Variants in ANKRD29 observed in about 807,000 individuals in gnomAD.
The protein encoded by ANKRD29 is ankyrin repeat domain 29.
ANKRD29 carries 32 observed loss-of-function variants against 38.0 expected under a neutral mutation model. The ratio of observed to expected loss-of-function variants is 0.84; its 90% CI spans 0.64 to 1.13. The LOEUF is 1.13. Ranked by LOEUF, ANKRD29 falls within the 50% of genes most tolerant of loss-of-function variation. The probability of loss-of-function intolerance (pLI) is 0.00; values close to 1 mark genes in which losing one functional copy is unlikely to be tolerated. For synonymous variants in ANKRD29, 135 were observed against 152.4 expected, an observed-to-expected ratio of 0.89 and a Z score of 0.84; for missense variants, 357 against 377.9, an observed-to-expected ratio of 0.94 and a Z score of 0.46.
chr18:23,638,140 G>T (rs948972306), intron 4 of ANKRD29, among the ~76,000 whole-genome samples: 3 of 151,810 alleles, frequency 2.0e-5, no homozygotes, highest in Non-Finnish European at 4.4e-5. Context: ...TGGGATTACA[G>T]GCATGTGCCA....
Position 23,629,827 on chromosome 18 carries a change from G to A in ANKRD29, c.528+26C>T, listed in dbSNP as rs370361972. On this transcript the variant is annotated intron_variant, in intron 6 of 9. Transcript: ENST00000592179. ...TCCCTGCCCCATGCGCCATGTGCTCGGGCAAATGTCAACAGTGGACATTAC... is the reference window on the plus strand; with the variant it reads ...TCCCTGCCCCATGCGCCATGTGCTCAGGCAAATGTCAACAGTGGACATTAC... 6.9e-6 allele frequency: 11 copies of A among 1,603,926 alleles called. 1 individual carries two copies. Among genetic ancestry groups the A allele is most frequent in the Middle Eastern group, 3.4e-4 (2 of 5,876 alleles).
intron 4 of ANKRD29, among the ~76,000 whole-genome samples, chr18:23,636,549 A>C (rs2060005184): frequency 6.7e-6 from 1 of 149,112 alleles, no homozygotes; most frequent in Non-Finnish European, 1.5e-5. Context: ...TACAGGTGTG[A>C]GCCATCCCAC....
At chr18:23,619,267 C>A (rs897528657) in intron 7 of ANKRD29, 9 of 447,784 alleles carry the variant, frequency 2.0e-5, no homozygotes, top group South Asian at 1.1e-4. Context: ...GGCGGGAGGC[C>A]CCCAGGACAG....
At chr18:23,634,440 C>G (rs950957672) in intron 4 of ANKRD29, among the ~76,000 whole-genome samples, 1 of 151,890 alleles carries the variant, frequency 6.6e-6, no homozygotes, top group Non-Finnish European at 1.5e-5. Context: ...CAGGCGTGCA[C>G]CACCATGCCC....
At chr18:23,633,674 G>A (rs545885564) in intron 5 of ANKRD29, among the ~76,000 whole-genome samples, 78 of 152,140 alleles carry the variant, frequency 5.1e-4, no homozygotes, top group African/African-American at 1.8e-3. Flanking sequence ...GGGTTCAAGC[G>A]ATTCTCCTGC....
intron 5 of ANKRD29, among the ~76,000 whole-genome samples, chr18:23,631,681 C>T (rs1176221054): frequency 6.6e-6 from 1 of 152,184 alleles, no homozygotes; most frequent in African/African-American, 2.4e-5. Context: ...ACCAACAACA[C>T]CTATAAACAC....
chr18:23,651,093 A>G (rs970651465), intron 1 of ANKRD29, among the ~76,000 whole-genome samples: 2 of 152,240 alleles, frequency 1.3e-5, no homozygotes, highest in Admixed American at 6.5e-5. Context: ...ATGAAAGGAC[A>G]GTGGCAGCAG....
chr18:23,641,285 C>T (rs1305424171), intron 3 of ANKRD29, among the ~76,000 whole-genome samples: 1 of 152,204 alleles, frequency 6.6e-6, no homozygotes, highest in Non-Finnish European at 1.5e-5. Context: ...TGCCCAGCTG[C>T]AGCTCCGGTT....
At chr18:23,612,931 T>A (rs771855709) in intron 8 of ANKRD29, among the ~76,000 whole-genome samples, 2 of 152,226 alleles carry the variant, frequency 1.3e-5, no homozygotes, top group Non-Finnish European at 2.9e-5. Context: ...AGGGTACATA[T>A]GTCCATAAAT....
chr18:23,625,991 C>A (rs2059857305), intron 6 of ANKRD29, among the ~76,000 whole-genome samples: 1 of 152,184 alleles, frequency 6.6e-6, no homozygotes, highest in Non-Finnish European at 1.5e-5. Context: ...GATCTTCTGG[C>A]AGTCGATACA....
At chr18:23,629,706 A>G (rs1459924671) in intron 6 of ANKRD29, 147 bp downstream of exon 6, 16 of 663,254 alleles carry the variant, frequency 2.4e-5, no homozygotes, top group Non-Finnish European at 3.9e-5. Flanking sequence ...TACCCTAATC[A>G]AAGATTAACT....
At chr18:23,625,065 G>T (rs1216395199) in intron 6 of ANKRD29, among the ~76,000 whole-genome samples, 2 of 152,196 alleles carry the variant, frequency 1.3e-5, no homozygotes, top group African/African-American at 2.4e-5. Context: ...CTACCTACAG[G>T]GTTAGGCCAG....
intron 9 of ANKRD29, among the ~76,000 whole-genome samples, chr18:23,603,487 G>C (rs2059538483): frequency 6.6e-6 from 1 of 152,220 alleles, no homozygotes; most frequent in Non-Finnish European, 1.5e-5. Context: ...ACAAAAATTA[G>C]CTGGGCGTGG....
At chr18:23,612,234 A>G (rs1327668366) in intron 8 of ANKRD29, 44 bp from the exon 9 acceptor site, 1 of 1,548,446 alleles carries the variant, frequency 6.5e-7, no homozygotes. Context: ...GCTCACAGCC[A>G]TTGGCATTCA....
intron 9 of ANKRD29, among the ~76,000 whole-genome samples, chr18:23,611,203 CA>C (rs1282564206): frequency 6.6e-6 from 1 of 152,104 alleles, no homozygotes. Context: ...CTCCTGTTAA[CA>C]ATACAAAAGC....
At chr18:23,658,975 A>G (rs2060320066) in intron 1 of ANKRD29, among the ~76,000 whole-genome samples, 1 of 152,050 alleles carries the variant, frequency 6.6e-6, no homozygotes, top group Admixed American at 6.6e-5. Flanking sequence ...TTTATAATAT[A>G]AAACACTTTT....
chr18:23,629,891 G>A lies in ANKRD29; in HGVS notation c.490C>T (p.Leu164=). 17 of 1,614,178 alleles carry A rather than the reference G, an allele frequency of 1.1e-5. No individual in the cohort carries two copies. Among genetic ancestry groups the A allele is most frequent in the Non-Finnish European group, 1.4e-5 (17 of 1,180,036 alleles). ...TTGACTTTTGCTCCTGAAGCCAGCA[G>A]TAATCGAATAACATCCAAGTAACCA... ...QGGYLDVIRL[L]LASGAKVNQP... is the part of the protein sequence containing the mutation. Residue 164 remains leucine (L), a synonymous_variant, in exon 6 of 10, where the codon CTG becomes TTG. Transcript: ENST00000592179.
At chr18:23,645,432 G>C (rs1393525218) in intron 3 of ANKRD29, among the ~76,000 whole-genome samples, 1 of 152,134 alleles carries the variant, frequency 6.6e-6, no homozygotes, top group African/African-American at 2.4e-5. Flanking sequence ...AAAATTAGCT[G>C]GGCGTGGTGG....
rs2059648273 is a variant in ANKRD29 at position 23,611,975 on chromosome 18, GC to G, written c.822+116del. 7.1e-6 allele frequency: 6 copies of G among 846,212 alleles called. No individual in the cohort carries two copies. The Middle Eastern group carries it at 1.5e-3, about 208-fold the overall frequency. 52.4% of individuals were successfully genotyped at this position (846,212 alleles called of 1,614,324 possible). A position where few individuals can be genotyped will look rare whatever the true frequency, so the allele number is the denominator to read the frequency against. On this transcript the variant is annotated intron_variant, in intron 9 of 9. Transcript: ENST00000592179. ...TCACCTACTAACAGCAACCTTGAAT[GC>G]CCTTACTATGCAAAGAATGAAGATG...
Sources: allele counts gnomAD v4.1 joint callset (sites outside exome capture counted in the v4.1 genomes callset), GRCh38; gene constraint gnomAD v4.1.1; transcripts MANE v1.5; gene names NCBI Gene and HGNC (gene_info 2026-07-23, HGNC 2026-07-21).